Variants in SLCO2A1 observed in about 807,000 individuals in gnomAD.
SLCO2A1 encodes solute carrier organic anion transporter family member 2A1, also known as matrin F/G 1.
A neutral mutation model predicts 71.7 loss-of-function variants in SLCO2A1; 60 were observed. The ratio of observed to expected loss-of-function variants is 0.84; its 90% CI spans 0.68 to 1.04. SLCO2A1 has a LOEUF of 1.04. Among genes scored for constraint, SLCO2A1 ranks in the 50% least tolerant of loss-of-function variants. The pLI is 0.00. For missense variants in SLCO2A1, 745 were observed against 813.4 expected, an observed-to-expected ratio of 0.92 and a Z score of 1.02; for synonymous variants, 308 against 326.7, an observed-to-expected ratio of 0.94 and a Z score of 0.62.
chr3:133,962,180 A>G (rs1284439305), intron 3 of SLCO2A1, among the ~76,000 whole-genome samples: 1 of 152,178 alleles, frequency 6.6e-6, no homozygotes, highest in Non-Finnish European at 1.5e-5. Context: ...CCCGGGTTTA[A>G]GCGATTCTCC....
intron 8 of SLCO2A1, 124 bp downstream of exon 8, chr3:133,948,412 C>A (rs891960339): frequency 5.3e-6 from 5 of 939,428 alleles, no homozygotes; most frequent in Non-Finnish European, 7.9e-6. Context: ...TTCTCCTGGG[C>A]AGTCCTCCTC....
chr3:133,937,714 C>A (rs1009772051), intron 12 of SLCO2A1, among the ~76,000 whole-genome samples: 11 of 152,226 alleles, frequency 7.2e-5, no homozygotes, highest in African/African-American at 2.7e-4. Context: ...TCAATTAGGT[C>A]CCTTTACTAC....
At chr3:133,999,000 C>T (rs137922839) in intron 1 of SLCO2A1, among the ~76,000 whole-genome samples, 1 of 152,220 alleles carries the variant, frequency 6.6e-6, no homozygotes, top group African/African-American at 2.4e-5. Flanking sequence ...TCTCTTGCCC[C>T]CTCTCTGGCC....
intron 1 of SLCO2A1, among the ~76,000 whole-genome samples, chr3:133,981,347 TGGACC>T (rs1033736639): frequency 6.6e-6 from 1 of 152,200 alleles, no homozygotes; most frequent in African/African-American, 2.4e-5. Context: ...AGGTCTGGCC[TGGACC>T]AGGGAACAAT....
intron 1 of SLCO2A1, among the ~76,000 whole-genome samples, chr3:133,981,937 T>C (rs1240840924): frequency 1.4e-5 from 2 of 138,158 alleles, no homozygotes; most frequent in Admixed American, 7.8e-5. Context: ...ATTGTGCCAC[T>C]GCATTCCATC....
Position 133,948,698 on chromosome 3 carries a change from AC to A in SLCO2A1, c.942del (p.Pro316HisfsTer5). ...SRGSLVDFIK[R>X]FPCIFLRLLM... ...AGGAGCCTCAGAAAGATGCATGGAA[AC>A]CCTGTGAACAGACCGCTGTCAAGGC... On this transcript the variant is annotated frameshift_variant and splice_region_variant, in exon 8 of 14. Transcript: ENST00000310926. LOFTEE classifies it high-confidence loss of function. The A allele has an allele frequency of 6.2e-7, 1 of 1,613,008 alleles. No homozygotes were observed.
chr3:133,971,714 CAACTCCAATA>C (rs1490993141), intron 3 of SLCO2A1, among the ~76,000 whole-genome samples: 4 of 152,186 alleles, frequency 2.6e-5, no homozygotes, highest in Non-Finnish European at 5.9e-5. Context: ...CATTTAACCT[CAACTCCAATA>C]CAGTGGACTA....
chr3:133,970,144 C>T (rs1934290212), intron 3 of SLCO2A1, among the ~76,000 whole-genome samples: 1 of 152,184 alleles, frequency 6.6e-6, no homozygotes, highest in African/African-American at 2.4e-5. Flanking sequence ...GTTTACACAA[C>T]ATCATGTATT....
intron 13 of SLCO2A1, 92 bp downstream of exon 13, chr3:133,935,682 G>A (rs1413914856): frequency 7.2e-7 from 1 of 1,379,528 alleles, no homozygotes; most frequent in Non-Finnish European, 9.6e-7. Context: ...TTGGAAGCCT[G>A]ACAGCCCCCA....
intron 6 of SLCO2A1, among the ~76,000 whole-genome samples, chr3:133,950,646 A>C (rs941955615): frequency 3.3e-5 from 5 of 152,192 alleles, no homozygotes; most frequent in African/African-American, 1.2e-4. Context: ...TAGACCCTTC[A>C]GCTGAACATC....
At chr3:133,986,721 G>A (rs922731646) in intron 1 of SLCO2A1, among the ~76,000 whole-genome samples, 3 of 152,228 alleles carry the variant, frequency 2.0e-5, no homozygotes, top group Non-Finnish European at 2.9e-5. Context: ...AGGTAAATTT[G>A]GGGGTGTGGG....
At chr3:133,951,841 G>A (rs1035953255) in intron 5 of SLCO2A1, among the ~76,000 whole-genome samples, 6 of 152,130 alleles carry the variant, frequency 3.9e-5, no homozygotes, top group African/African-American at 1.4e-4. Flanking sequence ...TGTCTCCCTG[G>A]TATGCAAACC....
intron 8 of SLCO2A1, 62 bp from the exon 9 acceptor site, chr3:133,947,507 A>C: frequency 7.1e-7 from 1 of 1,399,178 alleles, no homozygotes; most frequent in Non-Finnish European, 9.8e-7. Context: ...GTGGGCTACA[A>C]ACACTGAGCT....
At chr3:133,996,416 A>C (rs955690411) in intron 1 of SLCO2A1, among the ~76,000 whole-genome samples, 1 of 152,206 alleles carries the variant, frequency 6.6e-6, no homozygotes, top group African/African-American at 2.4e-5. Flanking sequence ...AGAAGGTAGG[A>C]CGGACGTGCA....
chr3:133,961,028 GGC>G (rs969502006), intron 3 of SLCO2A1, among the ~76,000 whole-genome samples: 1 of 151,990 alleles, frequency 6.6e-6, no homozygotes, highest in African/African-American at 2.4e-5. Context: ...GGTGAGGCCT[GGC>G]TGCCCCTGGA....
intron 1 of SLCO2A1, among the ~76,000 whole-genome samples, chr3:134,015,901 T>G (rs1935443492): frequency 6.6e-6 from 1 of 151,930 alleles, no homozygotes; most frequent in African/African-American, 2.4e-5. Flanking sequence ...TTGACAAAGG[T>G]GCAATGGCAA....
intron 1 of SLCO2A1, among the ~76,000 whole-genome samples, chr3:133,980,692 C>T (rs555652952): frequency 2.2e-4 from 33 of 152,370 alleles, no homozygotes; most frequent in African/African-American, 5.3e-4. Flanking sequence ...CATTTCCTTC[C>T]GAAGCTGAGC....
At chr3:133,974,548 T>C (rs1383885382) in intron 2 of SLCO2A1, among the ~76,000 whole-genome samples, 1 of 152,202 alleles carries the variant, frequency 6.6e-6, no homozygotes, top group East Asian at 1.9e-4. Context: ...TGGTCTGTTT[T>C]CAATTCTGTG....
intron 1 of SLCO2A1, among the ~76,000 whole-genome samples, chr3:134,014,238 C>T (rs1409330282): frequency 6.6e-6 from 1 of 152,170 alleles, no homozygotes; most frequent in African/African-American, 2.4e-5. Context: ...GCTGACCAGA[C>T]TGAGTGTTCC....
Sources: gnomAD v4.1 joint callset for allele counts (sites outside exome capture counted in the v4.1 genomes callset) on GRCh38, gnomAD v4.1.1 for gene constraint, MANE v1.5 for transcripts, NCBI Gene and HGNC (gene_info 2026-07-23, HGNC 2026-07-21) for gene names.